The following UGT1A9 variants were observed in gnomAD, a reference collection of about 807,000 sequenced individuals.
The protein encoded by UGT1A9 is UDP-glucuronosyltransferase 1A9.
Under a neutral mutation model 45.0 loss-of-function variants are expected in UGT1A9, and 35 were observed. The ratio of observed to expected loss-of-function variants is 0.78; its 90% confidence interval spans 0.59 to 1.03. The LOEUF (loss-of-function observed/expected upper bound fraction) is 1.03. Ranked by LOEUF, UGT1A9 falls within the 50% of genes least tolerant of loss-of-function variation. The pLI is 0.00. For missense variants in UGT1A9, 687 were observed against 666.6 expected (o/e 1.03, Z -0.34); for synonymous variants, 278 against 250.6 (o/e 1.11, Z -1.03).
chr2:233,700,502 C>T (rs956057394), intron 1 of UGT1A9, among the ~76,000 whole-genome samples: 2 of 152,038 alleles, frequency 1.3e-5, no homozygotes, highest in Non-Finnish European at 2.9e-5. Flanking sequence ...AGCCTAGAAA[C>T]TTGACTGTCT....
chr2:233,679,264 C>T (rs2074446842), intron 1 of UGT1A9, among the ~76,000 whole-genome samples: 1 of 152,222 alleles, frequency 6.6e-6, no homozygotes, highest in South Asian at 2.1e-4. Flanking sequence ...CAGTCCCTTG[C>T]TGGCAATGCA....
At chr2:233,689,813 A>G (rs1208335304) in intron 1 of UGT1A9, 1 of 441,808 alleles carries the variant, frequency 2.3e-6, no homozygotes, top group Non-Finnish European at 4.5e-6. Flanking sequence ...ATAGGAAACC[A>G]AACATCTCTG....
intron 4 of UGT1A9, chr2:233,770,791 A>G (rs1255344851): frequency 2.0e-5 from 3 of 152,202 alleles, no homozygotes; most frequent in Admixed American, 6.5e-5. Flanking sequence ...AACATTATAG[A>G]TATGTTTAAA....
At chr2:233,711,983 C>T (rs1229844576) in intron 1 of UGT1A9, among the ~76,000 whole-genome samples, 4 of 152,190 alleles carry the variant, frequency 2.6e-5, no homozygotes, top group Non-Finnish European at 5.9e-5. Context: ...AGAGCCCCCA[C>T]AAATTATTCT....
rs1267611137 is a variant in UGT1A9 at position 233,724,759 on chromosome 2, C to T, written c.856-42275C>T. 1.5e-4 allele frequency among the ~76,000 whole-genome samples: 22 copies of T among 143,568 alleles called. 2 individuals are homozygous for T. Among genetic ancestry groups the T allele is most frequent in the East Asian group, 4.4e-4 (2 of 4,564 alleles). 94.2% of individuals were successfully genotyped at this position (143,568 alleles called of 152,430 possible). A position where few individuals can be genotyped will look rare whatever the true frequency, so the allele number is the denominator to read the frequency against. On this transcript the variant is annotated intron_variant, in intron 1 of 4. Transcript: ENST00000354728. ...GGCTCCTCACATCCCAGACGATGGG[C>T]GGCCAGGCAGAGACACTCCTCACTT... is the stretch of plus-strand genomic sequence containing the variant.
chr2:233,744,946 A>G (rs563141954), intron 1 of UGT1A9, among the ~76,000 whole-genome samples: 4 of 152,034 alleles, frequency 2.6e-5, no homozygotes, highest in African/African-American at 7.3e-5. Context: ...CAGTATTTGT[A>G]TATAACCTAC....
At chr2:233,760,506 T>A in intron 1 of UGT1A9, 1 of 1,614,180 alleles carries the variant, frequency 6.2e-7, no homozygotes, top group Non-Finnish European at 8.5e-7. Flanking sequence ...ACGGAGCATT[T>A]TACACCTTGA....
intron 1 of UGT1A9, chr2:233,690,400 C>T (rs1008882106): frequency 4.8e-5 from 56 of 1,157,702 alleles, no homozygotes; most frequent in Non-Finnish European, 6.0e-5. Flanking sequence ...CCTTCCTATT[C>T]CCAACATGAA....
At chr2:233,760,983 C>G in intron 1 of UGT1A9, 2 of 1,614,178 alleles carry the variant, frequency 1.2e-6, no homozygotes, top group African/African-American at 1.3e-5. Context: ...CGTATGCAAC[C>G]CTTGCCTCAG....
chr2:233,694,262 A>AC (rs1480202437), intron 1 of UGT1A9, among the ~76,000 whole-genome samples: 9 of 151,410 alleles, frequency 5.9e-5, no homozygotes, highest in Non-Finnish European at 1.2e-4. Context: ...GGACCAGCGA[A>AC]CTACAGCCTG....
In UGT1A9 at chr2:233,722,859, T is replaced by TC. The variant is rs2077044363; in HGVS notation, c.856-44175_856-44174insC. Among the ~76,000 whole-genome samples, 2 of 128,126 alleles carry TC rather than the reference T, an allele frequency of 1.6e-5. 1 individual carries two copies. The highest frequency in any genetic ancestry group is 5.9e-5 in the African/African-American group (2 of 33,684). The allele number at this position is 128,126 out of a possible 152,430, so 84.1% of individuals were successfully genotyped here. A position where few individuals can be genotyped will look rare whatever the true frequency, so the allele number is the denominator to read the frequency against. On this transcript the variant is annotated intron_variant, in intron 1 of 4. Transcript: ENST00000354728. The stretch of plus-strand genomic sequence containing the variant: ...TAAGAATGTTTCTTTTTTTTTTTTT[T>TC]GAAGGAAAAAATAAATTTATTGCTC...
At chr2:233,712,014 A>G (rs1483051058) in intron 1 of UGT1A9, among the ~76,000 whole-genome samples, 1 of 152,208 alleles carries the variant, frequency 6.6e-6, no homozygotes. Context: ...AACCATTCTT[A>G]TCAGAACTTG....
chr2:233,719,653 G>C (rs759057764), intron 1 of UGT1A9: 1 of 1,613,960 alleles, frequency 6.2e-7, no homozygotes, highest in African/African-American at 1.3e-5. Context: ...TTCATTGGGG[G>C]CATCAACTGT....
intron 1 of UGT1A9, among the ~76,000 whole-genome samples, chr2:233,687,201 G>A (rs1292818698): frequency 6.6e-6 from 1 of 152,100 alleles, no homozygotes; most frequent in African/African-American, 2.4e-5. Context: ...TAATTGGGTG[G>A]GTGATATGCA....
At chr2:233,683,037 A>G (rs1374308293) in intron 1 of UGT1A9, among the ~76,000 whole-genome samples, 2 of 152,110 alleles carry the variant, frequency 1.3e-5, no homozygotes, top group Non-Finnish European at 2.9e-5. Context: ...TCTAAATGCT[A>G]TTTTTGGAAA....
intron 1 of UGT1A9, among the ~76,000 whole-genome samples, chr2:233,761,379 G>A (rs1697758727): frequency 6.6e-6 from 1 of 152,206 alleles, no homozygotes; most frequent in African/African-American, 2.4e-5. Context: ...ATTTTACTCT[G>A]TGTGCTCCAG....
intron 1 of UGT1A9, among the ~76,000 whole-genome samples, chr2:233,726,421 T>C (rs1301909169): frequency 6.6e-6 from 1 of 152,226 alleles, no homozygotes; most frequent in African/African-American, 2.4e-5. Context: ...TCTGATTCTG[T>C]CCACTCTTAA....
chr2:233,693,943 C>T (rs933139976), intron 1 of UGT1A9: 30 of 1,600,976 alleles, frequency 1.9e-5, no homozygotes, highest in Non-Finnish European at 2.4e-5. Context: ...CTCCTTGAGC[C>T]GACTGTCCCT....
chr2:233,709,436 G>A (rs1274311484), intron 1 of UGT1A9, among the ~76,000 whole-genome samples: 1 of 152,092 alleles, frequency 6.6e-6, no homozygotes, highest in African/African-American at 2.4e-5. Context: ...CAGAAAGGAT[G>A]ACCTGCCGAC....
Sources: allele counts gnomAD v4.1 joint callset (sites outside exome capture counted in the v4.1 genomes callset), GRCh38; gene constraint gnomAD v4.1.1; transcripts MANE v1.5; gene names NCBI Gene and HGNC (gene_info 2026-07-23, HGNC 2026-07-21).